Variants in AKR1E2 observed in about 807,000 individuals in gnomAD.
The protein encoded by AKR1E2 is 1,5-anhydro-D-fructose reductase.
AKR1E2 carries 43 observed loss-of-function variants against 41.9 expected under a neutral mutation model. The ratio of observed to expected loss-of-function variants is 1.03; its 90% confidence interval spans 0.80 to 1.32. The LOEUF (loss-of-function observed/expected upper bound fraction) is 1.32, where lower values mean the gene tolerates loss of function less well. Among genes scored for constraint, AKR1E2 ranks in the 40% most tolerant of loss-of-function variants. AKR1E2 has a pLI of 0.00. For synonymous variants in AKR1E2, 121 were observed against 138.9 expected, an observed-to-expected ratio of 0.87 and a Z score of 0.91; for missense variants, 423 against 396.5, an observed-to-expected ratio of 1.07 and a Z score of -0.57.
chr10:4,866,897 G>A, the AKR1E2 span, among the ~76,000 whole-genome samples: 2 of 152,056 alleles, frequency 1.3e-5, no homozygotes, highest in Non-Finnish European at 2.9e-5. Flanking sequence ...TCTGAGTGGG[G>A]CCGGCTGATC....
the AKR1E2 span, among the ~76,000 whole-genome samples, chr10:4,855,006 TGGG>T: frequency 6.6e-6 from 1 of 152,182 alleles, no homozygotes; most frequent in Non-Finnish European, 1.5e-5. Context: ...TCATGGGACA[TGGG>T]GAGCTTTTTC....
chr10:4,866,033 A>T, the AKR1E2 span, among the ~76,000 whole-genome samples: 1 of 152,186 alleles, frequency 6.6e-6, no homozygotes, highest in African/African-American at 2.4e-5. Context: ...AACTAGCAGT[A>T]CCAAATCCCA....
At chr10:4,845,270 G>A (rs1014929530) in intron 8 of AKR1E2, among the ~76,000 whole-genome samples, 14 of 152,290 alleles carry the variant, frequency 9.2e-5, no homozygotes, top group Non-Finnish European at 1.9e-4. Context: ...AGCACCACGC[G>A]CAGCCCCGAT....
the AKR1E2 span, among the ~76,000 whole-genome samples, chr10:4,854,567 G>A: frequency 7.9e-5 from 12 of 152,218 alleles, no homozygotes; most frequent in South Asian, 1.0e-3. Context: ...CCCCGACCCA[G>A]AGGCTAACTT....
the AKR1E2 span, among the ~76,000 whole-genome samples, chr10:4,861,932 T>C: frequency 2.6e-5 from 4 of 152,230 alleles, no homozygotes; most frequent in Admixed American, 6.5e-5. Context: ...CTCTTTGGTT[T>C]AATTAGATCC....
chr10:4,846,059 C>T (rs1588487575), intron 8 of AKR1E2: 2 of 358,658 alleles, frequency 5.6e-6, no homozygotes, highest in Admixed American at 3.7e-5. Flanking sequence ...GGCTGCCTAC[C>T]CTTTATAAGG....
chr10:4,854,747 A>C, the AKR1E2 span, among the ~76,000 whole-genome samples: 1 of 152,168 alleles, frequency 6.6e-6, no homozygotes, highest in Non-Finnish European at 1.5e-5. Flanking sequence ...AGCAGGCCTA[A>C]CTTAGGGGAG....
the AKR1E2 span, among the ~76,000 whole-genome samples, chr10:4,869,047 G>A: frequency 6.6e-6 from 1 of 151,942 alleles, no homozygotes; most frequent in Non-Finnish European, 1.5e-5. Flanking sequence ...GGTAATGCTA[G>A]CTCTGTAAAA....
At chr10:4,835,376 T>G (rs917273628) in intron 3 of AKR1E2, among the ~76,000 whole-genome samples, 1 of 152,214 alleles carries the variant, frequency 6.6e-6, no homozygotes, top group Non-Finnish European at 1.5e-5. Context: ...CCGAAATTAG[T>G]AAACTATTTT....
At chr10:4,863,277 A>C in the AKR1E2 span, among the ~76,000 whole-genome samples, 1 of 152,252 alleles carries the variant, frequency 6.6e-6, no homozygotes. Context: ...ACCATAGTGC[A>C]ATCAAACTAG....
the AKR1E2 span, chr10:4,871,824 C>T: frequency 6.6e-6 from 1 of 152,304 alleles, no homozygotes; most frequent in Admixed American, 6.5e-5. Flanking sequence ...TAGAAAACTT[C>T]CCATCCATGA....
intron 3 of AKR1E2, 70 bp downstream of exon 3, chr10:4,833,536 C>G (rs184623999): frequency 6.8e-6 from 9 of 1,328,296 alleles, no homozygotes; most frequent in South Asian, 3.6e-5. Context: ...CCCTGTCTTG[C>G]GGTGGGGAGA....
chr10:4,849,736 C>T (rs74653199), downstream of AKR1E2, among the ~76,000 whole-genome samples: 5,207 of 152,246 alleles, frequency 0.034, 145 homozygotes, highest in East Asian at 0.11. Flanking sequence ...CGTCAGGTGT[C>T]TCACGATAGC....
downstream of AKR1E2, among the ~76,000 whole-genome samples, chr10:4,850,459 G>A (rs1476668963): frequency 6.6e-6 from 1 of 152,226 alleles, no homozygotes. Context: ...AGACCTTGGG[G>A]AGGATGGCAG....
chr10:4,845,885 C>T, intron 8 of AKR1E2: 1 of 469,444 alleles, frequency 2.1e-6, no homozygotes, highest in South Asian at 1.5e-5. Flanking sequence ...TGAGGACAGA[C>T]AGCAGCGGCG....
intron 1 of AKR1E2, among the ~76,000 whole-genome samples, chr10:4,827,079 A>G (rs1378135817): frequency 7.1e-6 from 1 of 140,010 alleles, no homozygotes; most frequent in Non-Finnish European, 1.5e-5. Flanking sequence ...TTGCTGGAAA[A>G]AAAAAAAAAA....
At chr10:4,858,778 G>C in the AKR1E2 span, among the ~76,000 whole-genome samples, 50 of 152,080 alleles carry the variant, frequency 3.3e-4, no homozygotes, top group East Asian at 5.2e-3. Flanking sequence ...GGCTGAAAAG[G>C]TGGGTAGAAA....
At chr10:4,838,778 A>G (rs1272805511) in intron 5 of AKR1E2, among the ~76,000 whole-genome samples, 1 of 152,152 alleles carries the variant, frequency 6.6e-6, no homozygotes, top group African/African-American at 2.4e-5. Context: ...AAGTTTTGAT[A>G]TATGTTTATA....
intron 1 of AKR1E2, among the ~76,000 whole-genome samples, chr10:4,827,037 C>G (rs1832580071): frequency 6.9e-6 from 1 of 144,558 alleles, no homozygotes; most frequent in Non-Finnish European, 1.5e-5. Context: ...GATGGCGCCA[C>G]TGCACTCCAG....
Sources: allele counts gnomAD v4.1 joint callset (sites outside exome capture counted in the v4.1 genomes callset), GRCh38; gene constraint gnomAD v4.1.1; transcripts MANE v1.5; gene names NCBI Gene and HGNC (gene_info 2026-07-23, HGNC 2026-07-21).